Variants in CNTNAP2 observed in about 807,000 individuals in gnomAD.
CNTNAP2 encodes the protein contactin-associated protein-like 2.
CNTNAP2 carries 98 observed loss-of-function variants against 155.2 expected under a neutral mutation model. The ratio of observed to expected loss-of-function variants is 0.63; its 90% CI spans 0.54 to 0.75. The LOEUF is 0.75. CNTNAP2 is among the 30% of genes least tolerant of loss of function. CNTNAP2 has a pLI of 0.00. For missense variants in CNTNAP2, 1,727 were observed against 1,688.1 expected, an observed-to-expected ratio of 1.02 and a Z score of -0.40; for synonymous variants, 651 against 631.2, an observed-to-expected ratio of 1.03 and a Z score of -0.47.
At chr7:146,731,361 T>A (rs1801522677) in intron 1 of CNTNAP2, among the ~76,000 whole-genome samples, 1 of 151,010 alleles carries the variant, frequency 6.6e-6, no homozygotes, top group African/African-American at 2.5e-5. Flanking sequence ...TGCAATATTT[T>A]ATTTATTATT....
At chr7:146,129,440 A>G (rs935300115) in intron 1 of CNTNAP2, among the ~76,000 whole-genome samples, 59 of 152,156 alleles carry the variant, frequency 3.9e-4, no homozygotes, top group Non-Finnish European at 1.8e-4. Context: ...ACAAAGTCTC[A>G]AGTGGTGGCG....
intron 15 of CNTNAP2, among the ~76,000 whole-genome samples, chr7:148,000,078 C>G (rs538271851): frequency 2.0e-5 from 3 of 152,262 alleles, no homozygotes; most frequent in African/African-American, 7.2e-5. Flanking sequence ...CTTTTCAACT[C>G]CAAGAGGATT....
chr7:147,636,673 T>A (rs1240990166), intron 12 of CNTNAP2, among the ~76,000 whole-genome samples: 2 of 152,136 alleles, frequency 1.3e-5, no homozygotes, highest in Non-Finnish European at 2.9e-5. Context: ...CAACTCCCAC[T>A]CATGAGTGAG....
intron 1 of CNTNAP2, among the ~76,000 whole-genome samples, chr7:146,221,615 C>G (rs1205349485): frequency 2.0e-5 from 3 of 152,044 alleles, no homozygotes; most frequent in Non-Finnish European, 4.4e-5. Context: ...CCGATATTTT[C>G]TGGGTAAAAT....
intron 12 of CNTNAP2, among the ~76,000 whole-genome samples, chr7:147,623,127 T>C (rs1401211233): frequency 6.6e-6 from 1 of 151,932 alleles, no homozygotes; most frequent in Non-Finnish European, 1.5e-5. Flanking sequence ...TAATAAGAAC[T>C]CTGTCAATAA....
intron 1 of CNTNAP2, among the ~76,000 whole-genome samples, chr7:146,156,629 G>A (rs1798130378): frequency 6.6e-6 from 1 of 151,704 alleles, no homozygotes; most frequent in South Asian, 2.1e-4. Flanking sequence ...TTTAAATGGA[G>A]TCTCACTCTG....
chr7:146,562,002 C>A (rs1798286972), intron 1 of CNTNAP2, among the ~76,000 whole-genome samples: 1 of 152,050 alleles, frequency 6.6e-6, no homozygotes, highest in African/African-American at 2.4e-5. Context: ...GTTGCCCAGG[C>A]TGGTCTCAAA....
intron 3 of CNTNAP2, among the ~76,000 whole-genome samples, chr7:146,901,870 CTT>C (rs71165048): frequency 2.3e-5 from 2 of 88,222 alleles, no homozygotes; most frequent in African/African-American, 4.2e-5. Context: ...ATATATGCTC[CTT>C]TTTTTTTTTT....
At chr7:146,969,530 T>C (rs903229029) in intron 3 of CNTNAP2, among the ~76,000 whole-genome samples, 1 of 152,182 alleles carries the variant, frequency 6.6e-6, no homozygotes, top group Non-Finnish European at 1.5e-5. Flanking sequence ...GATAGTTAGC[T>C]CTTCTTGTTG....
intron 8 of CNTNAP2, among the ~76,000 whole-genome samples, chr7:147,160,554 A>G (rs1209882372): frequency 1.3e-5 from 2 of 152,132 alleles, no homozygotes; most frequent in African/African-American, 4.8e-5. Flanking sequence ...TAGCAGCTTT[A>G]TTGCATACAA....
At chr7:147,024,518 T>C (rs1321921028) in intron 3 of CNTNAP2, among the ~76,000 whole-genome samples, 2 of 152,166 alleles carry the variant, frequency 1.3e-5, no homozygotes, top group East Asian at 3.9e-4. Flanking sequence ...TGTAAAGAAA[T>C]ATTGAGACTG....
intron 13 of CNTNAP2, among the ~76,000 whole-genome samples, chr7:147,865,138 G>A (rs540504986): frequency 1.3e-5 from 2 of 152,102 alleles, no homozygotes; most frequent in Admixed American, 1.3e-4. Context: ...TAGCAGGAAG[G>A]GCTGTTGAAT....
intron 8 of CNTNAP2, among the ~76,000 whole-genome samples, chr7:147,238,447 C>G (rs1184474109): frequency 6.6e-6 from 1 of 152,034 alleles, no homozygotes; most frequent in African/African-American, 2.4e-5. Flanking sequence ...TGGATATCCT[C>G]TAGTTGCTTT....
chr7:146,922,308 A>T (rs1000264539), intron 3 of CNTNAP2, among the ~76,000 whole-genome samples: 2 of 151,340 alleles, frequency 1.3e-5, no homozygotes, highest in African/African-American at 4.8e-5. Context: ...TTCTCTTAGG[A>T]CAAAATTGAT....
chr7:148,394,114 C>T (rs1423495710), intron 22 of CNTNAP2, among the ~76,000 whole-genome samples: 2 of 151,648 alleles, frequency 1.3e-5, no homozygotes, highest in African/African-American at 2.4e-5. Flanking sequence ...CCATTTAGAA[C>T]TTATTTTTTA....
intron 1 of CNTNAP2, among the ~76,000 whole-genome samples, chr7:146,710,888 A>C (rs1356082190): frequency 6.6e-6 from 1 of 152,008 alleles, no homozygotes; most frequent in Admixed American, 6.6e-5. Flanking sequence ...TGGCATTGGG[A>C]ATCATTAGCC....
At chr7:147,498,673 T>C (rs1455595710) in intron 11 of CNTNAP2, among the ~76,000 whole-genome samples, 2 of 152,194 alleles carry the variant, frequency 1.3e-5, no homozygotes, top group South Asian at 2.1e-4. Context: ...AGATGAGATA[T>C]TGAAAGAAGT....
chr7:147,314,646 A>G lies in CNTNAP2; in HGVS notation c.1498+14356A>G, dbSNP rs565867818. 5.6e-4 allele frequency among the ~76,000 whole-genome samples: 21 copies of G among 37,660 alleles called. 1 individual carries two copies. The South Asian group carries it at 0.014, about 24-fold the overall frequency. The allele number at this position is 37,660 out of a possible 152,430, so 24.7% of individuals were successfully genotyped here. A position where few individuals can be genotyped will look rare whatever the true frequency, so the allele number is the denominator to read the frequency against. ...CTACATGCTTCAAAAAGTCAGCAATAAAAAAAAAAATCCTTTAATATCTTT... is the reference window on the plus strand; with the variant it reads ...CTACATGCTTCAAAAAGTCAGCAATGAAAAAAAAAATCCTTTAATATCTTT... On this transcript the variant is annotated intron_variant, in intron 9 of 23. Coordinates refer to ENST00000361727, the MANE Select transcript of CNTNAP2 (RefSeq NM_014141.6).
At chr7:147,937,152 C>G (rs1202402248) in intron 14 of CNTNAP2, among the ~76,000 whole-genome samples, 1 of 152,022 alleles carries the variant, frequency 6.6e-6, no homozygotes, top group Non-Finnish European at 1.5e-5. Flanking sequence ...ACATGATAGG[C>G]CAGTCAGTCT....
Sources: gnomAD v4.1 joint callset for allele counts (sites outside exome capture counted in the v4.1 genomes callset) on GRCh38, gnomAD v4.1.1 for gene constraint, MANE v1.5 for transcripts, NCBI Gene and HGNC (gene_info 2026-07-23, HGNC 2026-07-21) for gene names.